The following RBMS3 variants were observed in gnomAD, a reference collection of about 807,000 sequenced individuals.
RBMS3 encodes RNA-binding motif, single-stranded-interacting protein 3.
A neutral mutation model predicts 66.8 loss-of-function variants in RBMS3; 27 were observed. The ratio of observed to expected loss-of-function variants is 0.40; its 90% confidence interval spans 0.30 to 0.56. The LOEUF (loss-of-function observed/expected upper bound fraction) is 0.56. RBMS3 is among the 20% of genes least tolerant of loss of function. The pLI, the probability that RBMS3 is intolerant of heterozygous loss-of-function variation, is 0.40. For missense variants in RBMS3, 513 were observed against 549.5 expected (o/e 0.93, Z 0.66); for synonymous variants, 188 against 183.0 (o/e 1.03, Z -0.22).
intron 1 of RBMS3, among the ~76,000 whole-genome samples, chr3:29,306,762 T>C (rs1054733831): frequency 2.6e-5 from 4 of 152,028 alleles, no homozygotes; most frequent in African/African-American, 9.6e-5. Flanking sequence ...TGAGGCTCTA[T>C]CTGCTTGACT....
intron 4 of RBMS3, chr3:29,698,115 G>A (rs1215449095): frequency 1.3e-6 from 1 of 767,504 alleles, no homozygotes; most frequent in South Asian, 5.9e-5. Context: ...GCTCCCTGAA[G>A]GGACAGGCTT....
intron 14 of RBMS3, chr3:29,991,421 C>A: frequency 1.5e-6 from 1 of 673,504 alleles, no homozygotes; most frequent in Non-Finnish European, 2.4e-6. Flanking sequence ...CATCTAGGAA[C>A]AGCTGCTGAT....
At chr3:29,763,526 ACTGT>A (rs2055788449) in intron 6 of RBMS3, among the ~76,000 whole-genome samples, 1 of 152,070 alleles carries the variant, frequency 6.6e-6, no homozygotes, top group African/African-American at 2.4e-5. Flanking sequence ...TTTAGAAAAT[ACTGT>A]CTATTTATCA....
At chr3:29,352,174 T>G (rs1240289597) in intron 1 of RBMS3, among the ~76,000 whole-genome samples, 1 of 152,116 alleles carries the variant, frequency 6.6e-6, no homozygotes, top group East Asian at 1.9e-4. Context: ...TTCTTGATTC[T>G]TAATTTTCAA....
rs141811943 is a variant in RBMS3 at position 29,363,300 on chromosome 3, A to G, written c.76-71443A>G. ...GATTGTTCCTTATTTTTGTTTGTCT[A>G]CTTTGTGACTCAGTGCCTTTACTAC... On this transcript the variant is annotated intron_variant, in intron 1 of 14. Coordinates refer to ENST00000383767, the MANE Select transcript of RBMS3 (RefSeq NM_001003793.3). Among the ~76,000 whole-genome samples, 479 of 152,260 alleles carry G rather than the reference A, an allele frequency of 3.1e-3. 1 individual carries two copies. Among genetic ancestry groups the G allele is most frequent in the African/African-American group, 0.011 (446 of 41,548 alleles).
chr3:29,836,405 T>C (rs1455020004), intron 6 of RBMS3, among the ~76,000 whole-genome samples: 1 of 151,932 alleles, frequency 6.6e-6, no homozygotes, highest in East Asian at 1.9e-4. Context: ...ATTAAATGGA[T>C]CATACACTAT....
intron 4 of RBMS3, among the ~76,000 whole-genome samples, chr3:29,695,064 C>T (rs983903458): frequency 1.3e-5 from 2 of 152,002 alleles, no homozygotes; most frequent in Non-Finnish European, 2.9e-5. Context: ...GCAAGTTTGG[C>T]CATTTTTTTT....
Position 30,009,121 on chromosome 3 carries a change from A to T in RBMS3, c.*5259A>T, listed in dbSNP as rs1699886373. The T allele has an allele frequency of 6.6e-6, 1 of 152,166 alleles. No individual in the cohort carries two copies. The highest frequency in any genetic ancestry group is 1.5e-5 in the Non-Finnish European group (1 of 68,002). The allele number at this position is 152,166 out of a possible 1,614,324, so 9.4% of individuals were successfully genotyped here. On this transcript the variant is annotated 3_prime_UTR_variant, in exon 15 of 15. Transcript: ENST00000383767. ...GAGGTGCAGTCAAGCTTGGATCTGC[A>T]GGAAGAACCACTAGGCCACTGAGTC...
intron 3 of RBMS3, among the ~76,000 whole-genome samples, chr3:29,550,062 A>G (rs79676835): frequency 0.084 from 12,741 of 152,244 alleles, 589 homozygotes; most frequent in South Asian, 0.11. Context: ...TCCAAAGTAA[A>G]ATGGAAACAT....
chr3:29,735,288 G>T (rs1024343148), intron 4 of RBMS3, among the ~76,000 whole-genome samples: 6 of 152,060 alleles, frequency 3.9e-5, no homozygotes, highest in Non-Finnish European at 8.8e-5. Flanking sequence ...AAAAACCTGA[G>T]AAAAAGGAAG....
chr3:29,377,091 GA>G (rs149832447), intron 1 of RBMS3, among the ~76,000 whole-genome samples: 50 of 138,800 alleles, frequency 3.6e-4, no homozygotes, highest in Middle Eastern at 3.7e-3. Context: ...CTCTGTCTCA[GA>G]AAAAAAAAAA....
intron 1 of RBMS3, among the ~76,000 whole-genome samples, chr3:29,382,312 T>C (rs963620410): frequency 1.3e-5 from 2 of 152,184 alleles, no homozygotes; most frequent in Non-Finnish European, 2.9e-5. Flanking sequence ...GGATAGTAAA[T>C]GGAGGCAGAG....
chr3:29,990,767 AGGATAAATTGGCATTTATTGT>A (rs1341021012), intron 13 of RBMS3, among the ~76,000 whole-genome samples: 1 of 152,216 alleles, frequency 6.6e-6, no homozygotes, highest in Non-Finnish European at 1.5e-5. Context: ...ATCCTGAATG[AGGATAAATTGGCATTTATTGT>A]GGATAAATGT....
intron 6 of RBMS3, among the ~76,000 whole-genome samples, chr3:29,769,625 T>C (rs200003263): frequency 6.7e-6 from 1 of 150,250 alleles, no homozygotes; most frequent in Non-Finnish European, 1.5e-5. Flanking sequence ...GTTTTTTTTC[T>C]TTATTTATCT....
chr3:29,944,002 G>A (rs1695128593), intron 11 of RBMS3, among the ~76,000 whole-genome samples: 1 of 151,616 alleles, frequency 6.6e-6, no homozygotes, highest in African/African-American at 2.4e-5. Flanking sequence ...AGTCTAATGG[G>A]ACCTAATAAC....
intron 6 of RBMS3, among the ~76,000 whole-genome samples, chr3:29,845,418 T>C (rs918691564): frequency 6.6e-6 from 1 of 152,208 alleles, no homozygotes; most frequent in African/African-American, 2.4e-5. Context: ...TATGGTAGTT[T>C]CATTGCTATC....
chr3:29,682,662 G>T lies in RBMS3; in HGVS notation c.400-57058G>T, dbSNP rs536400425. On this transcript the variant is annotated intron_variant, in intron 4 of 14. Transcript: ENST00000383767. ...GTTTGGGGAGCGAACTGCTGCACCT[G>T]GCAACTGAAAGGGCCAGAAGGGCAC... 2.0e-5 allele frequency among the ~76,000 whole-genome samples: 3 copies of T among 152,222 alleles called. No individual in the cohort carries two copies. The East Asian group carries it at 5.8e-4, about 29-fold the overall frequency.
chr3:29,927,272 A>G (rs572766513), intron 10 of RBMS3: 11 of 152,316 alleles, frequency 7.2e-5, no homozygotes, highest in South Asian at 6.2e-4. Context: ...CTTCTTGTCC[A>G]GTTTGAGCAA....
At chr3:29,284,058 A>G (rs1167371463) in intron 1 of RBMS3, among the ~76,000 whole-genome samples, 2 of 152,128 alleles carry the variant, frequency 1.3e-5, no homozygotes, top group Non-Finnish European at 2.9e-5. Flanking sequence ...TTCCTTCTAC[A>G]CTTATACCTC....
Sources: allele counts gnomAD v4.1 joint callset (sites outside exome capture counted in the v4.1 genomes callset), GRCh38; gene constraint gnomAD v4.1.1; transcripts MANE v1.5; gene names NCBI Gene and HGNC (gene_info 2026-07-23, HGNC 2026-07-21).